Variants in NFATC3 observed in about 807,000 individuals in gnomAD.
NFATC3 encodes the protein nuclear factor of activated T cells 3.
NFATC3 carries 46 observed loss-of-function variants against 98.6 expected under a neutral mutation model. The observed-to-expected ratio is 0.47, with a 90% CI of 0.37 to 0.60. The LOEUF is 0.60. NFATC3 is among the 20% of genes least tolerant of loss of function. The pLI is 0.00. For synonymous variants in NFATC3, 512 were observed against 472.2 expected (o/e 1.08, Z -1.09); for missense variants, 1,256 against 1,295.5 (o/e 0.97, Z 0.47).
chr16:68,192,438 C>G (rs2040485126), intron 9 of NFATC3, among the ~76,000 whole-genome samples: 2 of 150,892 alleles, frequency 1.3e-5, no homozygotes, highest in South Asian at 4.2e-4. Flanking sequence ...ATCTTTTCTT[C>G]CAGAATATAT....
chr16:68,178,959 A>G (rs1878030750), intron 6 of NFATC3, among the ~76,000 whole-genome samples: 1 of 152,136 alleles, frequency 6.6e-6, no homozygotes, highest in South Asian at 2.1e-4. Flanking sequence ...TTATTATGGC[A>G]TTCAGGCCAT....
chr16:68,211,944 A>G (rs1343713803), intron 9 of NFATC3, among the ~76,000 whole-genome samples: 1 of 152,196 alleles, frequency 6.6e-6, no homozygotes, highest in Non-Finnish European at 1.5e-5. Context: ...AGTTTCTGTA[A>G]AGCACAATCT....
At chr16:68,173,140 T>C (rs1220751450) in intron 5 of NFATC3, among the ~76,000 whole-genome samples, 1 of 152,028 alleles carries the variant, frequency 6.6e-6, no homozygotes, top group African/African-American at 2.4e-5. Context: ...CACATGCTTG[T>C]AGTCCCAGCT....
intron 1 of NFATC3, among the ~76,000 whole-genome samples, chr16:68,111,669 T>TG (rs779333502): frequency 1.9e-4 from 29 of 152,240 alleles, no homozygotes; most frequent in Non-Finnish European, 4.0e-4. Flanking sequence ...GTCATCATAA[T>TG]GCTGGCTGGT....
At chr16:68,141,774 G>T (rs1246320716) in intron 3 of NFATC3, among the ~76,000 whole-genome samples, 5 of 152,006 alleles carry the variant, frequency 3.3e-5, no homozygotes, top group Non-Finnish European at 7.4e-5. Flanking sequence ...TGTTTATTGC[G>T]ATGATTATTT....
intron 1 of NFATC3, chr16:68,089,620 T>C (rs1337359080): frequency 6.6e-6 from 1 of 152,234 alleles, no homozygotes; most frequent in African/African-American, 2.4e-5. Context: ...TTTTTAACAT[T>C]CTTTTACTTA....
chr16:68,096,963 G>A (rs2035050134), intron 1 of NFATC3, among the ~76,000 whole-genome samples: 1 of 152,188 alleles, frequency 6.6e-6, no homozygotes, highest in South Asian at 2.1e-4. Flanking sequence ...TATACTGTGG[G>A]TAATAGATTG....
At chr16:68,133,302 G>T (rs985683718) in intron 3 of NFATC3, among the ~76,000 whole-genome samples, 2 of 151,994 alleles carry the variant, frequency 1.3e-5, no homozygotes, top group East Asian at 3.9e-4. Context: ...AGCTAGAAAG[G>T]ATTTTGAATG....
chr16:68,158,215 G>A, intron 4 of NFATC3, 147 bp downstream of exon 4: 1 of 581,918 alleles, frequency 1.7e-6, no homozygotes, highest in African/African-American at 1.9e-5. Flanking sequence ...TTCTAAGAGT[G>A]GTAGCATATT....
intron 1 of NFATC3, chr16:68,086,799 G>A: frequency 1.0e-6 from 1 of 985,132 alleles, no homozygotes; most frequent in Non-Finnish European, 1.2e-6. Flanking sequence ...TCTCTAGGCG[G>A]TACTTATTTT....
intron 6 of NFATC3, among the ~76,000 whole-genome samples, chr16:68,178,612 G>A (rs1179374532): frequency 6.6e-6 from 1 of 152,182 alleles, no homozygotes; most frequent in Non-Finnish European, 1.5e-5. Context: ...AGAGGGTATA[G>A]TGATAGAGAC....
Position 68,157,956 on chromosome 16 carries a change from C to G in NFATC3, c.1489C>G (p.Gln497Glu). 1 of 1,613,746 alleles carries G rather than the reference C, an allele frequency of 6.2e-7. No homozygotes were observed. Among genetic ancestry groups the G allele is most frequent in the Non-Finnish European group, 8.5e-7 (1 of 1,179,816 alleles). Residue 497 changes from glutamine to glutamate, a missense_variant, in exon 4 of 10, where the codon CAG (glutamine) becomes GAG (glutamate). Coordinates refer to ENST00000346183, the MANE Select transcript of NFATC3 (RefSeq NM_173165.3). ...DRYLRPHAFY[Q>E]VHRITGKTVA... ...ATATTTACGACCTCATGCATTTTACCAGGTGCATCGAATCACTGGGAAGAC... is the reference window on the plus strand; with the variant it reads ...ATATTTACGACCTCATGCATTTTACGAGGTGCATCGAATCACTGGGAAGAC...
At chr16:68,182,887 A>G (rs1177167895) in intron 7 of NFATC3, among the ~76,000 whole-genome samples, 3 of 152,202 alleles carry the variant, frequency 2.0e-5, no homozygotes, top group African/African-American at 4.8e-5. Context: ...CTTGGGAACC[A>G]TTAAACCTAA....
intron 9 of NFATC3, among the ~76,000 whole-genome samples, chr16:68,199,207 C>T (rs564177974): frequency 6.6e-6 from 1 of 151,640 alleles, no homozygotes. Context: ...CAGACCAAGA[C>T]CCTGTTTATT....
At chr16:68,138,130 G>C (rs187110834) in intron 3 of NFATC3, among the ~76,000 whole-genome samples, 1 of 152,004 alleles carries the variant, frequency 6.6e-6, no homozygotes, top group East Asian at 1.9e-4. Flanking sequence ...CTGCCTGCTG[G>C]GATCTAGTGA....
intron 3 of NFATC3, among the ~76,000 whole-genome samples, chr16:68,130,088 G>A (rs1302082428): frequency 1.3e-5 from 2 of 152,124 alleles, no homozygotes; most frequent in South Asian, 2.1e-4. Context: ...TATCTTGGCC[G>A]TTATGAATAA....
intron 1 of NFATC3, among the ~76,000 whole-genome samples, chr16:68,120,626 C>G (rs1467105732): frequency 6.6e-6 from 1 of 151,316 alleles, no homozygotes; most frequent in Non-Finnish European, 1.5e-5. Context: ...GCCTGTAGTC[C>G]CAGCTACTCA....
intron 1 of NFATC3, chr16:68,086,798 G>A: frequency 1.0e-6 from 1 of 985,126 alleles, no homozygotes; most frequent in Non-Finnish European, 1.2e-6. Flanking sequence ...TTCTCTAGGC[G>A]GTACTTATTT....
At chr16:68,190,713 CATG>C in intron 8 of NFATC3, 52 bp from the exon 9 acceptor site, 1 of 1,516,664 alleles carries the variant, frequency 6.6e-7, no homozygotes, top group Non-Finnish European at 8.9e-7. Flanking sequence ...GAAGGCCTGT[CATG>C]ATAATTTTAT....
Sources: allele counts gnomAD v4.1 joint callset (sites outside exome capture counted in the v4.1 genomes callset), GRCh38; gene constraint gnomAD v4.1.1; transcripts MANE v1.5; gene names NCBI Gene and HGNC (gene_info 2026-07-23, HGNC 2026-07-21).